Variants in TAOK1 observed in about 807,000 individuals in gnomAD.
TAOK1 encodes the protein serine/threonine-protein kinase TAO1.
A neutral mutation model predicts 138.3 loss-of-function variants in TAOK1; 21 were observed. The observed-to-expected ratio is 0.15, with a 90% CI of 0.11 to 0.22. The LOEUF (loss-of-function observed/expected upper bound fraction) is 0.22. Ranked by LOEUF, TAOK1 falls within the 10% of genes least tolerant of loss-of-function variation. TAOK1 has a pLI of 1.00. For missense variants in TAOK1, 651 were observed against 1,227.7 expected, an observed-to-expected ratio of 0.53 and a Z score of 7.02; for synonymous variants, 361 against 398.4, an observed-to-expected ratio of 0.91 and a Z score of 1.12.
chr17:29,394,278 G>T (rs774609353), intron 1 of TAOK1, among the ~76,000 whole-genome samples: 1 of 142,492 alleles, frequency 7.0e-6, no homozygotes, highest in Non-Finnish European at 1.5e-5. Flanking sequence ...CCAGTCTCCT[G>T]CCTCAGCCTC....
intron 1 of TAOK1, among the ~76,000 whole-genome samples, chr17:29,451,123 A>G (rs1187733831): frequency 2.0e-5 from 3 of 152,206 alleles, no homozygotes; most frequent in Non-Finnish European, 4.4e-5. Flanking sequence ...GTTATTGTGT[A>G]TTTTTAAAAT....
chr17:29,444,306 G>A (rs1162708713), intron 1 of TAOK1, among the ~76,000 whole-genome samples: 2 of 152,124 alleles, frequency 1.3e-5, no homozygotes, highest in Admixed American at 1.3e-4. Flanking sequence ...ACCTTTCTAT[G>A]TTAGTTTACA....
Position 29,482,378 on chromosome 17 carries a change from A to G in TAOK1, c.655+90A>G, listed in dbSNP as rs2031082090. 3 of 1,043,118 alleles carry G rather than the reference A, an allele frequency of 2.9e-6. No individual in the cohort carries two copies. The African/African-American group carries it at 4.9e-5, about 17-fold the overall frequency. The allele number at this position is 1,043,118 out of a possible 1,614,324, so 64.6% of individuals were successfully genotyped here. ...CAATCTATAAAAATTATAGATTTTTATCTTAAATGTCACTTTATAAGGGGG... is the reference window on the plus strand; with the variant it reads ...CAATCTATAAAAATTATAGATTTTTGTCTTAAATGTCACTTTATAAGGGGG... On this transcript the variant is annotated intron_variant, in intron 8 of 19. Transcript: ENST00000261716.
intron 1 of TAOK1, among the ~76,000 whole-genome samples, chr17:29,442,737 C>G (rs2029978215): frequency 1.3e-5 from 2 of 152,172 alleles, no homozygotes; most frequent in Admixed American, 1.3e-4. Context: ...TATATCCATA[C>G]AATAGGATAC....
chr17:29,485,046 G>T (rs1375428204), intron 8 of TAOK1, among the ~76,000 whole-genome samples: 1 of 152,000 alleles, frequency 6.6e-6, no homozygotes, highest in African/African-American at 2.4e-5. Context: ...ACCATTATTG[G>T]TCTTGATAAA....
intron 13 of TAOK1, among the ~76,000 whole-genome samples, chr17:29,506,046 A>G (rs919811267): frequency 6.6e-6 from 1 of 152,244 alleles, no homozygotes; most frequent in African/African-American, 2.4e-5. Context: ...ATTTTGGAAA[A>G]TGGTGTGGAG....
chr17:29,497,369 A>G (rs2031434729), intron 11 of TAOK1, among the ~76,000 whole-genome samples: 1 of 152,154 alleles, frequency 6.6e-6, no homozygotes, highest in Non-Finnish European at 1.5e-5. Context: ...ATGATTTCAG[A>G]TATGTGAAAT....
intron 1 of TAOK1, among the ~76,000 whole-genome samples, chr17:29,401,444 G>C (rs1214066201): frequency 6.6e-6 from 1 of 152,072 alleles, no homozygotes; most frequent in Admixed American, 6.6e-5. Context: ...CATGTGTGTG[G>C]ACACGCAAGC....
chr17:29,403,160 CAA>C (rs34253777), intron 1 of TAOK1, among the ~76,000 whole-genome samples: 7 of 60,066 alleles, frequency 1.2e-4, no homozygotes, highest in East Asian at 1.1e-3. Context: ...GATTTTGTCT[CAA>C]AAAAAAAAAA....
Position 29,550,531 on chromosome 17 carries a change from G to A in TAOK1, c.*7509G>A, listed in dbSNP as rs2032472726. ...CCTAATGCGCATTAATGAGGTTGAAGAGACTATGAGAAATATGTATAGTGT... is the reference window on the plus strand; with the variant it reads ...CCTAATGCGCATTAATGAGGTTGAAAAGACTATGAGAAATATGTATAGTGT... On this transcript the variant is annotated 3_prime_UTR_variant, in exon 20 of 20. Coordinates refer to ENST00000261716, the MANE Select transcript of TAOK1 (RefSeq NM_020791.4). 6.6e-6 allele frequency: 1 copy of A among 152,162 alleles called. No homozygotes were observed. The highest frequency in any genetic ancestry group is 2.4e-5 in the African/African-American group (1 of 41,436). 9.4% of individuals were successfully genotyped at this position (152,162 alleles called of 1,614,324 possible).
intron 2 of TAOK1, among the ~76,000 whole-genome samples, chr17:29,459,035 T>TA (rs1461414821): frequency 6.6e-6 from 1 of 152,160 alleles, no homozygotes; most frequent in Non-Finnish European, 1.5e-5. Flanking sequence ...TTTGTATTTT[T>TA]ACTAGAGATG....
intron 8 of TAOK1, among the ~76,000 whole-genome samples, chr17:29,488,017 T>G (rs901195908): frequency 2.0e-5 from 3 of 152,178 alleles, no homozygotes; most frequent in African/African-American, 7.2e-5. Flanking sequence ...CCAAAGGTGT[T>G]TAGCCTAACT....
chr17:29,466,762 C>CA (rs1324235912), intron 2 of TAOK1, among the ~76,000 whole-genome samples: 1 of 151,456 alleles, frequency 6.6e-6, no homozygotes, highest in Admixed American at 6.6e-5. Context: ...GTCTTTAGGT[C>CA]AGTTTTAGTA....
At chr17:29,407,277 ATGTCTGAC>A (rs1399554105) in intron 1 of TAOK1, among the ~76,000 whole-genome samples, 1 of 151,850 alleles carries the variant, frequency 6.6e-6, no homozygotes, top group Non-Finnish European at 1.5e-5. Context: ...ATGAGACACC[ATGTCTGAC>A]TGTCTTCCTT....
At chr17:29,519,018 C>T (rs1337545534) in intron 16 of TAOK1, among the ~76,000 whole-genome samples, 4 of 152,074 alleles carry the variant, frequency 2.6e-5, no homozygotes, top group East Asian at 1.9e-4. Flanking sequence ...CCACCCACCT[C>T]GGCCTCCCAA....
At chr17:29,459,420 T>C (rs1303061358) in intron 2 of TAOK1, among the ~76,000 whole-genome samples, 4 of 152,038 alleles carry the variant, frequency 2.6e-5, no homozygotes, top group Admixed American at 1.3e-4. Context: ...TAGCTGAGAT[T>C]ACAGGCGCCC....
intron 1 of TAOK1, among the ~76,000 whole-genome samples, chr17:29,416,780 T>G (rs960103762): frequency 6.6e-6 from 1 of 152,170 alleles, no homozygotes; most frequent in African/African-American, 2.4e-5. Context: ...TTTGAACTCA[T>G]TAATTTTCTA....
chr17:29,402,091 A>G (rs1416736403), intron 1 of TAOK1, among the ~76,000 whole-genome samples: 1 of 152,086 alleles, frequency 6.6e-6, no homozygotes, highest in Non-Finnish European at 1.5e-5. Context: ...TTTAGTCGTT[A>G]TATTGGGTAT....
At chr17:29,524,043 A>C (rs1191221253) in intron 17 of TAOK1, among the ~76,000 whole-genome samples, 1 of 152,208 alleles carries the variant, frequency 6.6e-6, no homozygotes, top group Non-Finnish European at 1.5e-5. Flanking sequence ...AAATACAGAA[A>C]CAATGTTAAG....
Sources: allele counts gnomAD v4.1 joint callset (sites outside exome capture counted in the v4.1 genomes callset), GRCh38; gene constraint gnomAD v4.1.1; transcripts MANE v1.5; gene names NCBI Gene and HGNC (gene_info 2026-07-23, HGNC 2026-07-21).